The following GRIN2A variants were observed in gnomAD, a reference collection of about 807,000 sequenced individuals.
GRIN2A encodes glutamate receptor ionotropic, NMDA 2A.
GRIN2A carries 22 observed loss-of-function variants against 113.4 expected under a neutral mutation model. The observed-to-expected ratio is 0.19, with a 90% CI of 0.14 to 0.28. The LOEUF (loss-of-function observed/expected upper bound fraction) is 0.28, where lower values mean the gene tolerates loss of function less well. GRIN2A is among the 10% of genes least tolerant of loss of function. The pLI is 1.00. For missense variants in GRIN2A, 1,502 were observed against 1,887.0 expected, an observed-to-expected ratio of 0.80 and a Z score of 3.78; for synonymous variants, 827 against 738.4, an observed-to-expected ratio of 1.12 and a Z score of -1.94.
At chr16:10,054,088 A>G (rs2047405712) in intron 2 of GRIN2A, among the ~76,000 whole-genome samples, 1 of 152,210 alleles carries the variant, frequency 6.6e-6, no homozygotes, top group South Asian at 2.1e-4. Flanking sequence ...ATTTTAAAAA[A>G]CCGAACAGAA....
chr16:10,154,125 C>T (rs1337336410), intron 2 of GRIN2A, among the ~76,000 whole-genome samples: 1 of 152,300 alleles, frequency 6.6e-6, no homozygotes, highest in East Asian at 1.9e-4. Flanking sequence ...CAAATGTGAG[C>T]TGAAGCCCTT....
rs1250803305 is a variant in GRIN2A at position 9,822,434 on chromosome 16, G to T, written c.2008-10C>A. 2 of 1,580,782 alleles carry T rather than the reference G, an allele frequency of 1.3e-6. No homozygotes were observed. Among genetic ancestry groups the T allele is most frequent in the African/African-American group, 2.7e-5 (2 of 74,120 alleles). ...CATGAGGTCTCTGAAACTGGAGAGA[G>T]AACGAGAAAGGAAGAGAGAGAGTAG... On this transcript the variant is annotated splice_polypyrimidine_tract_variant and intron_variant, in intron 9 of 12. Coordinates refer to ENST00000330684, the MANE Select transcript of GRIN2A (RefSeq NM_001134407.3).
At chr16:9,884,695 A>G (rs7189130) in intron 4 of GRIN2A, among the ~76,000 whole-genome samples, 48,431 of 150,176 alleles carry the variant, frequency 0.32, 9,819 homozygotes, top group African/African-American at 0.58. Context: ...CAACTCCAAT[A>G]CCTCTAGCTT....
intron 2 of GRIN2A, among the ~76,000 whole-genome samples, chr16:10,095,319 T>G (rs1261254850): frequency 1.3e-5 from 2 of 152,206 alleles, no homozygotes; most frequent in Non-Finnish European, 2.9e-5. Context: ...AAGACAAGAA[T>G]GTGTCAAAAG....
chr16:10,131,669 G>A (rs1288015204), intron 2 of GRIN2A, among the ~76,000 whole-genome samples: 1 of 152,128 alleles, frequency 6.6e-6, no homozygotes, highest in Admixed American at 6.5e-5. Context: ...GACTTCCTGG[G>A]AGACATGGCT....
At chr16:9,912,537 A>T (rs1457943042) in intron 3 of GRIN2A, among the ~76,000 whole-genome samples, 1 of 151,466 alleles carries the variant, frequency 6.6e-6, no homozygotes, top group Non-Finnish European at 1.5e-5. Context: ...TAGTACAAAG[A>T]AGTGGTTAAG....
At chr16:9,898,004 G>A (rs978231511) in intron 3 of GRIN2A, among the ~76,000 whole-genome samples, 12 of 147,884 alleles carry the variant, frequency 8.1e-5, no homozygotes, top group African/African-American at 1.2e-4. Flanking sequence ...CAGTGAGACA[G>A]TACCTGGCAC....
intron 5 of GRIN2A, among the ~76,000 whole-genome samples, chr16:9,848,746 A>T (rs1239600970): frequency 3.2e-5 from 2 of 62,316 alleles, no homozygotes; most frequent in Non-Finnish European, 5.8e-5. Context: ...CTGTTTTATA[A>T]TATTTTAAAT....
intron 2 of GRIN2A, among the ~76,000 whole-genome samples, chr16:10,160,904 C>T (rs1480728053): frequency 6.6e-6 from 1 of 152,144 alleles, no homozygotes; most frequent in Admixed American, 6.5e-5. Context: ...GTTCGTGGAG[C>T]CAGGTTTTGG....
intron 2 of GRIN2A, among the ~76,000 whole-genome samples, chr16:10,011,441 G>T (rs570241183): frequency 3.3e-4 from 50 of 152,194 alleles, no homozygotes; most frequent in African/African-American, 1.1e-3. Flanking sequence ...TTTTGCCTTG[G>T]TGGGTCCATC....
chr16:9,905,191 A>G (rs1048440683), intron 3 of GRIN2A, among the ~76,000 whole-genome samples: 5 of 152,238 alleles, frequency 3.3e-5, no homozygotes, highest in African/African-American at 1.2e-4. Flanking sequence ...GCAATCATTT[A>G]GAGTTTAAGG....
chr16:10,157,982 T>C (rs956007990), intron 2 of GRIN2A, among the ~76,000 whole-genome samples: 1 of 152,096 alleles, frequency 6.6e-6, no homozygotes, highest in African/African-American at 2.4e-5. Context: ...CATTCTCTTT[T>C]AAACTATATT....
chr16:10,047,401 A>C (rs1596460073), intron 2 of GRIN2A, among the ~76,000 whole-genome samples: 1 of 152,364 alleles, frequency 6.6e-6, no homozygotes, highest in East Asian at 1.9e-4. Context: ...CAAAACACCT[A>C]ACAAAGTGCC....
chr16:9,942,861 A>C (rs2044917407), intron 2 of GRIN2A, among the ~76,000 whole-genome samples: 1 of 152,176 alleles, frequency 6.6e-6, no homozygotes, highest in African/African-American at 2.4e-5. Flanking sequence ...AATTCAACCC[A>C]AAAACCACCA....
At chr16:9,949,190 C>G (rs1205995094) in intron 2 of GRIN2A, among the ~76,000 whole-genome samples, 5 of 152,206 alleles carry the variant, frequency 3.3e-5, no homozygotes, top group Non-Finnish European at 5.9e-5. Context: ...ATAGCTGTCT[C>G]CATGCAACCA....
chr16:9,911,376 G>A (rs1281823610), intron 3 of GRIN2A, among the ~76,000 whole-genome samples: 1 of 152,206 alleles, frequency 6.6e-6, no homozygotes, highest in Non-Finnish European at 1.5e-5. Context: ...GTGAAACACA[G>A]TGATTACATG....
chr16:10,008,322 T>C (rs114660167), intron 2 of GRIN2A, among the ~76,000 whole-genome samples: 1 of 152,242 alleles, frequency 6.6e-6, no homozygotes, highest in Non-Finnish European at 1.5e-5. Context: ...CATGCTGAGA[T>C]ATCCATCTTC....
At chr16:9,876,495 G>A (rs1359502121) in intron 4 of GRIN2A, among the ~76,000 whole-genome samples, 5 of 152,054 alleles carry the variant, frequency 3.3e-5, no homozygotes, top group African/African-American at 9.7e-5. Context: ...ATACACTAGC[G>A]TTGGCCTCCT....
rs551982363 is a variant in GRIN2A at position 10,024,327 on chromosome 16, ATTC to A, written c.415-85779_415-85777del. Among the ~76,000 whole-genome samples, 17 of 152,248 alleles carry A rather than the reference ATTC, an allele frequency of 1.1e-4. No individual in the cohort carries two copies. In the East Asian group the frequency reaches 3.3e-3, roughly 29 times the overall value. ...CAGCCTCCACCTCCTGGGTCAAGCA[ATTC>A]TTCTGCCTCAGCCTCCTGAGTAGCT... On this transcript the variant is annotated intron_variant, in intron 2 of 12. Coordinates refer to ENST00000330684, the MANE Select transcript of GRIN2A (RefSeq NM_001134407.3).
Sources: gnomAD v4.1 joint callset for allele counts (sites outside exome capture counted in the v4.1 genomes callset) on GRCh38, gnomAD v4.1.1 for gene constraint, MANE v1.5 for transcripts, NCBI Gene and HGNC (gene_info 2026-07-23, HGNC 2026-07-21) for gene names.